The following TMEM132D variants were observed in gnomAD, a reference collection of about 807,000 sequenced individuals.
TMEM132D encodes transmembrane protein 132D.
Under a neutral mutation model 62.3 loss-of-function variants are expected in TMEM132D, and 21 were observed. The ratio of observed to expected loss-of-function variants is 0.34; its 90% CI spans 0.24 to 0.49. The LOEUF (loss-of-function observed/expected upper bound fraction) is 0.49, where lower values mean the gene tolerates loss of function less well. Among genes scored for constraint, TMEM132D ranks in the 20% least tolerant of loss-of-function variants. The pLI is 0.99. For missense variants in TMEM132D, 1,346 were observed against 1,402.8 expected (o/e 0.96, Z 0.65); for synonymous variants, 621 against 575.6 (o/e 1.08, Z -1.13).
At chr12:129,588,910 C>T (rs1267794568) in intron 2 of TMEM132D, among the ~76,000 whole-genome samples, 1 of 152,124 alleles carries the variant, frequency 6.6e-6, no homozygotes, top group African/African-American at 2.4e-5. Flanking sequence ...GGTACCATTC[C>T]TGAAAGCATT....
At chr12:129,427,500 T>C (rs896029773) in intron 3 of TMEM132D, among the ~76,000 whole-genome samples, 3 of 152,078 alleles carry the variant, frequency 2.0e-5, no homozygotes, top group Non-Finnish European at 4.4e-5. Flanking sequence ...GGCACATGTA[T>C]ACATATGTAA....
In TMEM132D at chr12:129,733,871, G is replaced by A. The variant is rs1042212124; in HGVS notation, c.80-33173C>T. Among the ~76,000 whole-genome samples, 8 of 152,258 alleles carry A rather than the reference G, an allele frequency of 5.3e-5. No homozygotes were observed. The East Asian group carries it at 5.8e-4, about 11-fold the overall frequency. Reference sequence around the variant, plus strand: ...GATCTGCTGATGGATCAGATGTGCCGCATGAGGCATGCTCCCCACGGATGC... The same window carrying A: ...GATCTGCTGATGGATCAGATGTGCCACATGAGGCATGCTCCCCACGGATGC... On this transcript the variant is annotated intron_variant, in intron 1 of 8. Coordinates refer to ENST00000422113, the MANE Select transcript of TMEM132D (RefSeq NM_133448.3).
Position 129,088,154 on chromosome 12 carries a change from GGGTGTCCTCCCTGACC to G in TMEM132D, c.1444-3468_1444-3453del, listed in dbSNP as rs1387663706. Among the ~76,000 whole-genome samples the G allele has an allele frequency of 3.0e-4, 6 of 20,316 alleles. 1 individual carries two copies. Among genetic ancestry groups the G allele is most frequent in the Admixed American group, 5.7e-4 (1 of 1,742 alleles). The allele number at this position is 20,316 out of a possible 152,430, so 13.3% of individuals were successfully genotyped here. ...CATGACCGGGGTGTCCTCCCTGACC[GGGTGTCCTCCCTGACC>G]GGGTGTCCTCCCTGACCGGGGTGTC... is the stretch of plus-strand genomic sequence containing the variant. On this transcript the variant is annotated intron_variant, in intron 5 of 8. Transcript: ENST00000422113.
intron 4 of TMEM132D, among the ~76,000 whole-genome samples, chr12:129,279,746 C>T (rs1881090647): frequency 6.6e-6 from 1 of 152,222 alleles, no homozygotes; most frequent in African/African-American, 2.4e-5. Context: ...CCCCCCAGCA[C>T]TGCTGCACAA....
chr12:129,358,663 G>A (rs1345041646), intron 3 of TMEM132D, among the ~76,000 whole-genome samples: 1 of 152,206 alleles, frequency 6.6e-6, no homozygotes, highest in East Asian at 1.9e-4. Flanking sequence ...GAAAAGAAGA[G>A]CAGAGGTATT....
intron 1 of TMEM132D, among the ~76,000 whole-genome samples, chr12:129,788,499 A>G (rs1871304165): frequency 6.6e-6 from 1 of 152,264 alleles, no homozygotes; most frequent in Non-Finnish European, 1.5e-5. Flanking sequence ...CAGAAGAGAT[A>G]TAGAGATATA....
At chr12:129,651,833 C>A (rs1476148547) in intron 2 of TMEM132D, among the ~76,000 whole-genome samples, 1 of 152,162 alleles carries the variant, frequency 6.6e-6, no homozygotes, top group South Asian at 2.1e-4. Context: ...AGGAACTCTG[C>A]AAAATTGCCA....
intron 2 of TMEM132D, among the ~76,000 whole-genome samples, chr12:129,587,118 G>C (rs149864869): frequency 6.6e-6 from 1 of 152,204 alleles, no homozygotes; most frequent in East Asian, 1.9e-4. Context: ...ACTCACAACA[G>C]CGAAGACATG....
At chr12:129,396,584 G>A (rs1021506033) in intron 3 of TMEM132D, among the ~76,000 whole-genome samples, 24 of 152,156 alleles carry the variant, frequency 1.6e-4, no homozygotes, top group Admixed American at 5.2e-4. Flanking sequence ...GAGGAGACCC[G>A]CAGGATGCAG....
chr12:129,106,491 A>G (rs1875503333), intron 5 of TMEM132D, among the ~76,000 whole-genome samples: 1 of 152,200 alleles, frequency 6.6e-6, no homozygotes, highest in African/African-American at 2.4e-5. Context: ...AAAAAAATAG[A>G]ATATCTCTGT....
intron 1 of TMEM132D, among the ~76,000 whole-genome samples, chr12:129,898,814 G>C (rs1438727234): frequency 6.6e-6 from 1 of 152,178 alleles, no homozygotes; most frequent in African/African-American, 2.4e-5. Context: ...TGCCCAGCAC[G>C]GTATGGGGTG....
chr12:129,783,506 A>G (rs1174354043), intron 1 of TMEM132D, among the ~76,000 whole-genome samples: 1 of 152,158 alleles, frequency 6.6e-6, no homozygotes, highest in African/African-American at 2.4e-5. Flanking sequence ...CACAGGATCT[A>G]TGTGTGAACA....
chr12:129,583,145 A>G (rs1877926026), intron 2 of TMEM132D, among the ~76,000 whole-genome samples: 2 of 152,250 alleles, frequency 1.3e-5, no homozygotes, highest in Admixed American at 1.3e-4. Flanking sequence ...ATGAATGGGA[A>G]TAATTTAAAA....
chr12:129,126,647 G>A (rs1045949095), intron 5 of TMEM132D, among the ~76,000 whole-genome samples: 5 of 152,250 alleles, frequency 3.3e-5, no homozygotes, highest in East Asian at 3.9e-4. Flanking sequence ...ATACATACGC[G>A]TTTGGCAGGG....
intron 1 of TMEM132D, among the ~76,000 whole-genome samples, chr12:129,810,227 A>T (rs1013226508): frequency 2.6e-5 from 4 of 152,246 alleles, no homozygotes; most frequent in Non-Finnish European, 5.9e-5. Flanking sequence ...CCCATAAAAA[A>T]TAAATGAGCA....
intron 1 of TMEM132D, among the ~76,000 whole-genome samples, chr12:129,716,747 G>C (rs990147577): frequency 6.6e-6 from 1 of 152,302 alleles, no homozygotes; most frequent in East Asian, 1.9e-4. Flanking sequence ...GTGCTTAAGA[G>C]TGGAAGAGGG....
chr12:129,421,814 G>A (rs956745778), intron 3 of TMEM132D, among the ~76,000 whole-genome samples: 1 of 152,040 alleles, frequency 6.6e-6, no homozygotes, highest in African/African-American at 2.4e-5. Context: ...TTGTCATCAT[G>A]GTAAAGATAG....
chr12:129,434,471 A>T (rs1044419663), intron 3 of TMEM132D, among the ~76,000 whole-genome samples: 1 of 152,160 alleles, frequency 6.6e-6, no homozygotes, highest in Admixed American at 6.5e-5. Context: ...TGACTACTAC[A>T]AGTTGTTCTA....
chr12:129,494,821 G>A (rs1874900965), intron 3 of TMEM132D, among the ~76,000 whole-genome samples: 1 of 151,988 alleles, frequency 6.6e-6, no homozygotes, highest in African/African-American at 2.4e-5. Flanking sequence ...CTCTTTTCCT[G>A]CCTCTCTCTC....
Sources: allele counts gnomAD v4.1 joint callset (sites outside exome capture counted in the v4.1 genomes callset), GRCh38; gene constraint gnomAD v4.1.1; transcripts MANE v1.5; gene names NCBI Gene and HGNC (gene_info 2026-07-23, HGNC 2026-07-21).